Variants in SHISAL1 observed in about 807,000 individuals in gnomAD.
SHISAL1 encodes protein shisa-like-1.
Under a neutral mutation model 22.6 loss-of-function variants are expected in SHISAL1, and 9 were observed. The observed-to-expected ratio is 0.40, with a 90% CI of 0.24 to 0.70. The LOEUF is 0.70. Among genes scored for constraint, SHISAL1 ranks in the 30% least tolerant of loss-of-function variants. The pLI is 0.39. For missense variants in SHISAL1, 246 were observed against 270.6 expected, an observed-to-expected ratio of 0.91 and a Z score of 0.64; for synonymous variants, 119 against 115.4, an observed-to-expected ratio of 1.03 and a Z score of -0.20.
chr22:44,290,538 A>AAAAAAAAAAAAAAC (rs1555928958), intron 3 of SHISAL1, among the ~76,000 whole-genome samples: 1 of 150,560 alleles, frequency 6.6e-6, no homozygotes, highest in African/African-American at 2.5e-5. Flanking sequence ...TCAAAAAAAA[A>AAAAAAAAAAAAAAC]AAAAAACAAA....
chr22:44,299,390 C>A (rs555714892), intron 2 of SHISAL1, among the ~76,000 whole-genome samples: 1 of 152,244 alleles, frequency 6.6e-6, no homozygotes, highest in South Asian at 2.1e-4. Flanking sequence ...TCGGGCAGGC[C>A]GCTTTCCTTC....
the SHISAL1 span, among the ~76,000 whole-genome samples, chr22:44,318,673 G>A: frequency 6.6e-6 from 1 of 152,254 alleles, no homozygotes; most frequent in Non-Finnish European, 1.5e-5. Context: ...ACGCTAGGTG[G>A]TTAGGAGGGG....
At chr22:44,319,639 A>G in the SHISAL1 span, among the ~76,000 whole-genome samples, 1 of 152,158 alleles carries the variant, frequency 6.6e-6, no homozygotes, top group Non-Finnish European at 1.5e-5. Context: ...AACTCCCCAC[A>G]CCACAGCGGA....
At chr22:44,316,572 A>T (rs567796414), upstream of SHISAL1, among the ~76,000 whole-genome samples, 17 of 152,206 alleles carry the variant, frequency 1.1e-4, no homozygotes, top group Non-Finnish European at 2.4e-4. Flanking sequence ...TGAATGAGTG[A>T]TGGTGTGTTC....
chr22:44,295,462 G>T (rs979015073), intron 3 of SHISAL1, among the ~76,000 whole-genome samples: 7 of 151,548 alleles, frequency 4.6e-5, no homozygotes, highest in Non-Finnish European at 1.0e-4. Flanking sequence ...TATTTTTAAT[G>T]ACCTCAGAGC....
intron 3 of SHISAL1, among the ~76,000 whole-genome samples, chr22:44,293,727 G>A (rs952221637): frequency 1.3e-5 from 2 of 152,184 alleles, no homozygotes; most frequent in Non-Finnish European, 2.9e-5. Context: ...GCTGAGGATG[G>A]GCTGCCAGGT....
the SHISAL1 span, among the ~76,000 whole-genome samples, chr22:44,329,730 G>A: frequency 6.6e-6 from 1 of 152,224 alleles, no homozygotes; most frequent in Non-Finnish European, 1.5e-5. Flanking sequence ...GTCCCGCACT[G>A]AGCAGTCACA....
At chr22:44,272,572 T>C (rs1462176901) in intron 4 of SHISAL1, among the ~76,000 whole-genome samples, 2 of 152,252 alleles carry the variant, frequency 1.3e-5, no homozygotes, top group Non-Finnish European at 2.9e-5. Flanking sequence ...GGGACAGGGC[T>C]GGAGGCTTTG....
intron 4 of SHISAL1, among the ~76,000 whole-genome samples, chr22:44,282,814 T>C (rs552558880): frequency 6.6e-6 from 1 of 152,326 alleles, no homozygotes; most frequent in Non-Finnish European, 1.5e-5. Flanking sequence ...TGCCTGGACA[T>C]TCTCCAGTGT....
In SHISAL1 at chr22:44,249,630, G is replaced by A; in HGVS notation, c.*55C>T. 1 of 778,642 alleles carries A rather than the reference G, an allele frequency of 1.3e-6. No individual in the cohort carries two copies. Among genetic ancestry groups the A allele is most frequent in the East Asian group, 2.4e-5 (1 of 41,178 alleles). 48.2% of individuals were successfully genotyped at this position (778,642 alleles called of 1,614,324 possible). On this transcript the variant is annotated 3_prime_UTR_variant, in exon 5 of 5. Transcript: ENST00000381176. ...GTAGAAGTTGTTCTTCTCGGAGGCT[G>A]CACCGGGTGCTTCAGATCTCATCTC...
Position 44,261,077 on chromosome 22 carries a change from T to TTATATATATATATATATATATATATATA in SHISAL1, c.*-11393_*-11392insTATATATATATATATATATATATATATA, listed in dbSNP as rs56290835. On this transcript the variant is annotated intron_variant, in intron 4 of 4. Coordinates refer to ENST00000381176, the MANE Select transcript of SHISAL1 (RefSeq NM_001099294.2). ...AGAATGTGGTGTTTGCTTCATTACT[T>TTATATATATATATATATATATATATATA]TATATATATATATATATATATACAC... 6.4e-4 allele frequency among the ~76,000 whole-genome samples: 70 copies of TTATATATATATATATATATATATATATA among 108,592 alleles called. 1 individual carries two copies. The highest frequency in any genetic ancestry group is 2.0e-3 in the South Asian group (6 of 3,002). 71.2% of individuals were successfully genotyped at this position (108,592 alleles called of 152,430 possible).
At chr22:44,307,886 G>A (rs917822939) in intron 1 of SHISAL1, among the ~76,000 whole-genome samples, 2 of 152,216 alleles carry the variant, frequency 1.3e-5, no homozygotes, top group Non-Finnish European at 2.9e-5. Context: ...CCTGCGGGGA[G>A]GGGCTGAGGC....
chr22:44,290,229 A>G (rs1352011591), intron 3 of SHISAL1, among the ~76,000 whole-genome samples: 2 of 152,184 alleles, frequency 1.3e-5, no homozygotes, highest in Non-Finnish European at 2.9e-5. Context: ...AACCTCGTCT[A>G]AAAAATGGGA....
Position 44,283,601 on chromosome 22 carries a change from G to A in SHISAL1, c.599+1827C>T, listed in dbSNP as rs145188152. ...GCCGGGGCAGGAAAACAGCACCCAG[G>A]TGCTGAGTGCAGGGTGCTCACGACA... On this transcript the variant is annotated intron_variant, in intron 4 of 4. Coordinates refer to ENST00000381176, the MANE Select transcript of SHISAL1 (RefSeq NM_001099294.2). Among the ~76,000 whole-genome samples, 24 of 152,338 alleles carry A rather than the reference G, an allele frequency of 1.6e-4. No homozygotes were observed. The East Asian group carries it at 4.6e-3, about 29-fold the overall frequency.
chr22:44,285,890 G>T (rs193027185), intron 3 of SHISAL1, 145 bp from the exon 4 acceptor site: 9 of 691,048 alleles, frequency 1.3e-5, no homozygotes, highest in Non-Finnish European at 2.2e-5. Flanking sequence ...CTGGAGGGCG[G>T]GGCCTTGGCT....
At chr22:44,249,848 A>T (rs1332676961) in intron 4 of SHISAL1, among the ~76,000 whole-genome samples, 163 bp from the exon 5 acceptor site, 1 of 152,190 alleles carries the variant, frequency 6.6e-6, no homozygotes, top group Admixed American at 6.5e-5. Context: ...GAAAGAAAAA[A>T]AATGTCTGCT....
intron 1 of SHISAL1, among the ~76,000 whole-genome samples, chr22:44,308,499 C>T (rs2055494896): frequency 6.6e-6 from 1 of 152,230 alleles, no homozygotes; most frequent in Non-Finnish European, 1.5e-5. Flanking sequence ...TAGGACCACC[C>T]TTCCCCTCTC....
rs562689818 is a variant in SHISAL1, at chr22:44,303,532, G to A, written c.-32-2555C>T. Among the ~76,000 whole-genome samples, 43 of 152,216 alleles carry A rather than the reference G, an allele frequency of 2.8e-4. 1 individual carries two copies. Among genetic ancestry groups the A allele is most frequent in the South Asian group, 1.2e-3 (6 of 4,814 alleles). ...CCAAGGAATGCCAAAGATTGCCAGC[G>A]AACCCCCAGGAACAGATTCACCCCT... is the stretch of plus-strand genomic sequence containing the variant. On this transcript the variant is annotated intron_variant, in intron 1 of 4. Coordinates refer to ENST00000381176, the MANE Select transcript of SHISAL1 (RefSeq NM_001099294.2).
intron 1 of SHISAL1, among the ~76,000 whole-genome samples, chr22:44,311,587 A>G (rs1344046422): frequency 6.6e-6 from 1 of 152,200 alleles, no homozygotes; most frequent in Non-Finnish European, 1.5e-5. Context: ...ACTGTCTCGA[A>G]TGTTGGAAGT....
Sources: allele counts gnomAD v4.1 joint callset (sites outside exome capture counted in the v4.1 genomes callset), GRCh38; gene constraint gnomAD v4.1.1; transcripts MANE v1.5; gene names NCBI Gene and HGNC (gene_info 2026-07-23, HGNC 2026-07-21).